Variants in CALN1 observed in about 807,000 individuals in gnomAD.
CALN1 encodes the protein calcium-binding protein 8.
Under a neutral mutation model 30.6 loss-of-function variants are expected in CALN1, and 17 were observed. The observed-to-expected ratio is 0.56, with a 90% CI of 0.38 to 0.83. The LOEUF (loss-of-function observed/expected upper bound fraction) is 0.83, where lower values mean the gene tolerates loss of function less well. CALN1 is among the 40% of genes least tolerant of loss of function. CALN1 has a pLI of 0.00. For missense variants in CALN1, 291 were observed against 354.9 expected, an observed-to-expected ratio of 0.82 and a Z score of 1.45; for synonymous variants, 156 against 131.4, an observed-to-expected ratio of 1.19 and a Z score of -1.28.
intron 3 of CALN1, among the ~76,000 whole-genome samples, chr7:72,248,235 C>T (rs1795320797): frequency 6.6e-6 from 1 of 152,178 alleles, no homozygotes; most frequent in African/African-American, 2.4e-5. Context: ...CTGCCTCAGC[C>T]TTCCAAGTAG....
Position 72,255,731 on chromosome 7 carries a change from ATTT to A in CALN1, c.244+22952_244+22954del, listed in dbSNP as rs10536438. Among the ~76,000 whole-genome samples the A allele has an allele frequency of 2.9e-3, 402 of 137,538 alleles. 2 individuals are homozygous for A. The highest frequency in any genetic ancestry group is 0.012 in the Middle Eastern group (3 of 248). The allele number at this position is 137,538 out of a possible 152,430, so 90.2% of individuals were successfully genotyped here. A position where few individuals can be genotyped will look rare whatever the true frequency, so the allele number is the denominator to read the frequency against. On this transcript the variant is annotated intron_variant, in intron 3 of 6. Coordinates refer to ENST00000395275, the MANE Select transcript of CALN1 (RefSeq NM_031468.4). Reference sequence around the variant, plus strand: ...ACACCCAGCATAGCTCACTTAAATAATTTTTTTTTTTTTTTTTGAGACAAAGTC... The same window carrying A: ...ACACCCAGCATAGCTCACTTAAATAATTTTTTTTTTTTTTGAGACAAAGTC...
intron 5 of CALN1, among the ~76,000 whole-genome samples, chr7:71,914,259 G>A (rs561719031): frequency 3.7e-4 from 56 of 152,180 alleles, no homozygotes; most frequent in African/African-American, 1.3e-3. Flanking sequence ...GTGTGTCCAC[G>A]TGTTCTCATC....
At chr7:72,407,866 G>A (rs781743066) in intron 1 of CALN1, among the ~76,000 whole-genome samples, 2 of 152,108 alleles carry the variant, frequency 1.3e-5, no homozygotes, top group East Asian at 3.9e-4. Context: ...GCCTCACGGA[G>A]CTCAGAGAGT....
At chr7:71,842,950 T>G (rs147521290) in intron 5 of CALN1, among the ~76,000 whole-genome samples, 3 of 152,288 alleles carry the variant, frequency 2.0e-5, no homozygotes, top group Admixed American at 6.5e-5. Flanking sequence ...TTTACAAGGA[T>G]TCTTGGAAAA....
At chr7:72,064,065 G>C (rs894912259) in intron 4 of CALN1, among the ~76,000 whole-genome samples, 3 of 152,146 alleles carry the variant, frequency 2.0e-5, no homozygotes, top group Admixed American at 1.3e-4. Context: ...CCTGAGGTTA[G>C]GAGTTCGAGA....
At chr7:72,322,329 T>A (rs2129557342) in intron 2 of CALN1, among the ~76,000 whole-genome samples, 1 of 152,270 alleles carries the variant, frequency 6.6e-6, no homozygotes, top group South Asian at 2.1e-4. Context: ...TACGGTAATG[T>A]AAGCAATGGG....
intron 3 of CALN1, among the ~76,000 whole-genome samples, chr7:72,132,931 G>C (rs888733909): frequency 6.6e-6 from 1 of 152,142 alleles, no homozygotes; most frequent in Non-Finnish European, 1.5e-5. Context: ...TCTCCTATCA[G>C]ATCAGCAGCA....
intron 2 of CALN1, among the ~76,000 whole-genome samples, chr7:72,300,359 G>A (rs1344136097): frequency 6.6e-6 from 1 of 151,114 alleles, no homozygotes; most frequent in Non-Finnish European, 1.5e-5. Flanking sequence ...CTGAGATGTA[G>A]CCAAAGATTT....
chr7:72,469,619 G>A, the CALN1 span, among the ~76,000 whole-genome samples: 2 of 152,044 alleles, frequency 1.3e-5, no homozygotes, highest in African/African-American at 2.4e-5. Context: ...GGCTGGTCTC[G>A]AACTCCTGAC....
chr7:72,341,617 AC>A (rs1490373409), intron 2 of CALN1, among the ~76,000 whole-genome samples: 2 of 152,206 alleles, frequency 1.3e-5, no homozygotes, highest in Non-Finnish European at 2.9e-5. Flanking sequence ...CTCCCACATA[AC>A]CAGAGTGGGA....
intron 2 of CALN1, among the ~76,000 whole-genome samples, chr7:72,379,924 CTCACTCAACT>C (rs1197880346): frequency 2.0e-5 from 3 of 152,332 alleles, no homozygotes; most frequent in East Asian, 1.9e-4. Flanking sequence ...CCTTCTCCCA[CTCACTCAACT>C]TCACTCAACT....
chr7:71,845,830 G>A (rs1351125972), intron 5 of CALN1, among the ~76,000 whole-genome samples: 2 of 152,130 alleles, frequency 1.3e-5, no homozygotes, highest in East Asian at 3.9e-4. Context: ...GAGGCAGGTG[G>A]ATCACTTGAG....
intron 5 of CALN1, among the ~76,000 whole-genome samples, chr7:71,883,044 T>C (rs1792678619): frequency 2.0e-5 from 3 of 152,168 alleles, no homozygotes; most frequent in Non-Finnish European, 4.4e-5. Context: ...ATAGCACTTA[T>C]TATTGACCTA....
intron 2 of CALN1, among the ~76,000 whole-genome samples, chr7:72,312,057 G>C (rs777139044): frequency 3.3e-5 from 5 of 152,044 alleles, no homozygotes; most frequent in Non-Finnish European, 5.9e-5. Context: ...GACATTTCTG[G>C]ACATTGCTAA....
At chr7:72,310,904 T>A (rs1451632646) in intron 2 of CALN1, among the ~76,000 whole-genome samples, 3 of 42,070 alleles carry the variant, frequency 7.1e-5, no homozygotes, top group African/African-American at 2.3e-4. Context: ...CAAGACTCCG[T>A]CTTAAAAAAA....
At chr7:72,200,236 C>T (rs1044334885) in intron 3 of CALN1, among the ~76,000 whole-genome samples, 2 of 152,140 alleles carry the variant, frequency 1.3e-5, no homozygotes, top group East Asian at 3.9e-4. Flanking sequence ...GTGAAGAGCC[C>T]AGTCTCTCTA....
At chr7:72,085,970 T>C (rs1805458328) in intron 4 of CALN1, among the ~76,000 whole-genome samples, 1 of 151,970 alleles carries the variant, frequency 6.6e-6, no homozygotes. Context: ...TAAAAATAGA[T>C]GTATAAGGAA....
intron 5 of CALN1, among the ~76,000 whole-genome samples, chr7:71,996,957 T>G (rs940325316): frequency 5.3e-5 from 8 of 152,096 alleles, no homozygotes; most frequent in Non-Finnish European, 1.2e-4. Flanking sequence ...CTGGGCTTGG[T>G]GGCGCACATC....
intron 5 of CALN1, among the ~76,000 whole-genome samples, chr7:71,990,960 A>G (rs1648957698): frequency 6.6e-6 from 1 of 151,824 alleles, no homozygotes; most frequent in Non-Finnish European, 1.5e-5. Flanking sequence ...GAGGACCAAC[A>G]TTAGAATCTC....
Sources: allele counts gnomAD v4.1 joint callset (sites outside exome capture counted in the v4.1 genomes callset), GRCh38; gene constraint gnomAD v4.1.1; transcripts MANE v1.5; gene names NCBI Gene and HGNC (gene_info 2026-07-23, HGNC 2026-07-21).